PLPP1: variants seen among roughly 807,000 people sequenced by gnomAD.
PLPP1 encodes lipid phosphate phosphohydrolase 1a.
Under a neutral mutation model 31.2 loss-of-function variants are expected in PLPP1, and 24 were observed. The observed-to-expected ratio is 0.77, with a 90% CI of 0.56 to 1.08. The LOEUF is 1.08. PLPP1 is among the 50% of genes least tolerant of loss of function. The pLI, the probability that PLPP1 is intolerant of heterozygous loss-of-function variation, is 0.00. For missense variants in PLPP1, 319 were observed against 342.7 expected (o/e 0.93, Z 0.55); for synonymous variants, 146 against 126.3 (o/e 1.16, Z -1.05).
rs945297218 is a variant in PLPP1, at chr5:55,467,886, T to C, written c.474A>G (p.Glu158=). ...ACACTCACCTGCCTTCCTTAACTCT[T>C]TCTGCATTCCCTCGACATATGTAGT... is the stretch of plus-strand genomic sequence containing the variant. ...IEYYICRGNA[E]RVKEGRLSFY... Residue 158 remains glutamate (E), a synonymous_variant, in exon 3 of 6, where the codon GAA becomes GAG. Transcript: ENST00000307259. 4 of 1,612,262 alleles carry C rather than the reference T, an allele frequency of 2.5e-6. No individual in the cohort carries two copies. In the African/African-American group the frequency reaches 4.0e-5, roughly 16 times the overall value.
rs112789952 is a variant in PLPP1, at chr5:55,427,872, G to A, written c.550-1833C>T. On this transcript the variant is annotated intron_variant, in intron 4 of 5. Coordinates refer to ENST00000307259, the MANE Select transcript of PLPP1 (RefSeq NM_003711.4). ...GCGATCTCGGCTCACTGCAACCTCC[G>A]CCTCCCGGGTTCAAGCAATCCTCCT... Among the ~76,000 whole-genome samples the A allele has an allele frequency of 5.8e-3, 886 of 151,950 alleles. 8 individuals carry two copies. The highest frequency in any genetic ancestry group is 0.021 in the African/African-American group (852 of 41,422).
intron 4 of PLPP1, among the ~76,000 whole-genome samples, chr5:55,433,617 A>G (rs1357878062): frequency 6.8e-6 from 1 of 147,004 alleles, no homozygotes; most frequent in East Asian, 2.1e-4. Flanking sequence ...CTCCTGCCTC[A>G]GCCTCCCAAG....
Position 55,534,907 on chromosome 5 carries a change from C to G in PLPP1, c.-278G>C, listed in dbSNP as rs979262128. The G allele has an allele frequency of 6.7e-6, 3 of 446,206 alleles. No homozygotes were observed. The highest frequency in any genetic ancestry group is 1.2e-5 in the Non-Finnish European group (3 of 251,482). The allele number at this position is 446,206 out of a possible 1,614,324, so 27.6% of individuals were successfully genotyped here. On this transcript the variant is annotated 5_prime_UTR_variant, in exon 1 of 6. Coordinates refer to ENST00000307259, the MANE Select transcript of PLPP1 (RefSeq NM_003711.4). ...CGGCAGCTCTGTAGCCTCAGGACCT[C>G]CTCAGCCGGCACGGCCTGCCCCGGT... is the stretch of plus-strand genomic sequence containing the variant.
intron 3 of PLPP1, among the ~76,000 whole-genome samples, chr5:55,459,337 TA>T (rs1752100615): frequency 6.6e-6 from 1 of 151,710 alleles, no homozygotes; most frequent in Non-Finnish European, 1.5e-5. Flanking sequence ...ATTCAACAAT[TA>T]TAGTTAGAGA....
At chr5:55,457,570 A>G (rs1183221004) in intron 3 of PLPP1, among the ~76,000 whole-genome samples, 1 of 152,200 alleles carries the variant, frequency 6.6e-6, no homozygotes, top group African/African-American at 2.4e-5. Flanking sequence ...ACAAAATAAG[A>G]TTTATGTACC....
At chr5:55,444,743 T>TTGTGTGTGTGTGTGTGTGTGTG (rs1554037412) in intron 3 of PLPP1, among the ~76,000 whole-genome samples, 20 of 137,372 alleles carry the variant, frequency 1.5e-4, no homozygotes, top group African/African-American at 3.0e-4. Flanking sequence ...GGATTCTATT[T>TTGTGTGTGTGTGTGTGTGTGTG]TGTGTGTGTG....
intron 4 of PLPP1, among the ~76,000 whole-genome samples, chr5:55,431,865 AAATT>A (rs1276819327): frequency 6.6e-6 from 1 of 152,216 alleles, no homozygotes; most frequent in African/African-American, 2.4e-5. Context: ...AAACCCAAAT[AAATT>A]CAGAAATGAA....
chr5:55,534,893 T>C lies in PLPP1; in HGVS notation c.-264A>G. On this transcript the variant is annotated 5_prime_UTR_variant, in exon 1 of 6. Coordinates refer to ENST00000307259, the MANE Select transcript of PLPP1 (RefSeq NM_003711.4). ...TCGTGTGCCAGCCGCGGCAGCTCTGTAGCCTCAGGACCTCCTCAGCCGGCA... is the reference window on the plus strand; with the variant it reads ...TCGTGTGCCAGCCGCGGCAGCTCTGCAGCCTCAGGACCTCCTCAGCCGGCA... 3 of 477,218 alleles carry C rather than the reference T, an allele frequency of 6.3e-6. No homozygotes were observed. The South Asian group carries it at 8.5e-5, about 13-fold the overall frequency. The allele number at this position is 477,218 out of a possible 1,614,324, so 29.6% of individuals were successfully genotyped here.
At position 55,462,570 on chromosome 5, in the gene PLPP1, CA is replaced by C. The variant is rs1191776191; in HGVS notation, c.491+5298del. 4.0e-5 allele frequency among the ~76,000 whole-genome samples: 6 copies of C among 151,698 alleles called. No individual in the cohort carries two copies. In the South Asian group the frequency reaches 8.3e-4, roughly 21 times the overall value. On this transcript the variant is annotated intron_variant, in intron 3 of 5. Coordinates refer to ENST00000307259, the MANE Select transcript of PLPP1 (RefSeq NM_003711.4). ...TAAGAAAAATTTTGGAACGTTGAGGCAAGTAAAGATTTCTTAGGACACAGAA... is the reference window on the plus strand; with the variant it reads ...TAAGAAAAATTTTGGAACGTTGAGGCAGTAAAGATTTCTTAGGACACAGAA...
intron 3 of PLPP1, among the ~76,000 whole-genome samples, chr5:55,444,203 T>C (rs1056604594): frequency 1.9e-5 from 1 of 51,850 alleles, no homozygotes; most frequent in Non-Finnish European, 5.0e-5. Context: ...TGCCTCAGCC[T>C]CCCTAATAGC....
At chr5:55,459,892 A>G (rs1752113392) in intron 3 of PLPP1, among the ~76,000 whole-genome samples, 1 of 152,202 alleles carries the variant, frequency 6.6e-6, no homozygotes, top group Non-Finnish European at 1.5e-5. Context: ...GAAAATGAGG[A>G]TAAAGACCTT....
At chr5:55,426,225 CCTA>C (rs1751191210) in intron 4 of PLPP1, among the ~76,000 whole-genome samples, 186 bp from the exon 5 acceptor site, 1 of 152,064 alleles carries the variant, frequency 6.6e-6, no homozygotes, top group African/African-American at 2.4e-5. Flanking sequence ...AAACTATTGC[CCTA>C]CTAACTTGTT....
intron 1 of PLPP1, among the ~76,000 whole-genome samples, chr5:55,492,656 G>A (rs1752919673): frequency 6.6e-6 from 1 of 152,200 alleles, no homozygotes. Context: ...AAGGGAATGA[G>A]CAAGAAGTTT....
chr5:55,476,734 T>C (rs986054113), intron 1 of PLPP1, among the ~76,000 whole-genome samples: 6 of 152,210 alleles, frequency 3.9e-5, no homozygotes, highest in African/African-American at 1.2e-4. Context: ...GCAGTTCTCA[T>C]TAACTCCACT....
chr5:55,497,643 C>T (rs1753031481), intron 1 of PLPP1, among the ~76,000 whole-genome samples: 1 of 152,066 alleles, frequency 6.6e-6, no homozygotes, highest in African/African-American at 2.4e-5. Context: ...TAGGTTTGGG[C>T]AACACAGCCA....
chr5:55,450,908 G>A lies in PLPP1; in HGVS notation c.492-9000C>T, dbSNP rs192441364. 1.9e-3 allele frequency among the ~76,000 whole-genome samples: 287 copies of A among 152,206 alleles called. 1 individual carries two copies. Among genetic ancestry groups the A allele is most frequent in the Non-Finnish European group, 3.8e-3 (261 of 68,022 alleles). On this transcript the variant is annotated intron_variant, in intron 3 of 5. Transcript: ENST00000307259. ...TAAATTCTTTCAGAATAATACAGAA[G>A]GAAGAGACAATTTTAAATCACTTTC...
rs577267012 is a variant in PLPP1 at position 55,431,904 on chromosome 5, G to A, written c.550-5865C>T. ...AAAAGACATTACAACTGATAACACA[G>A]AAATACAAAAGAACATCTATCTCCA... is the stretch of plus-strand genomic sequence containing the variant. On this transcript the variant is annotated intron_variant, in intron 4 of 5. Transcript: ENST00000307259. Among the ~76,000 whole-genome samples the A allele has an allele frequency of 6.4e-4, 98 of 152,168 alleles. No homozygotes were observed. In the South Asian group the frequency reaches 7.9e-3, roughly 12 times the overall value.
intron 1 of PLPP1, among the ~76,000 whole-genome samples, chr5:55,503,916 G>A (rs1462763727): frequency 9.1e-6 from 1 of 110,198 alleles, no homozygotes; most frequent in East Asian, 3.5e-4. Context: ...GGAGGAAGGG[G>A]GGGGAGGAAT....
intron 1 of PLPP1, among the ~76,000 whole-genome samples, chr5:55,483,455 T>A (rs1212910734): frequency 6.6e-6 from 1 of 152,020 alleles, no homozygotes; most frequent in Admixed American, 6.6e-5. Context: ...GCAGATCACA[T>A]GAGGTCAGGA....
Sources: gnomAD v4.1 joint callset for allele counts (sites outside exome capture counted in the v4.1 genomes callset) on GRCh38, gnomAD v4.1.1 for gene constraint, MANE v1.5 for transcripts, NCBI Gene and HGNC (gene_info 2026-07-23, HGNC 2026-07-21) for gene names.